Variants in ATP8B1 observed in about 807,000 individuals in gnomAD.
ATP8B1 encodes the protein ATPase phospholipid transporting 8B1.
Under a neutral mutation model 149.9 loss-of-function variants are expected in ATP8B1, and 80 were observed. The observed-to-expected ratio is 0.53, with a 90% CI of 0.45 to 0.64. The LOEUF is 0.64. Among genes scored for constraint, ATP8B1 ranks in the 30% least tolerant of loss-of-function variants. The pLI, the probability that ATP8B1 is intolerant of heterozygous loss-of-function variation, is 0.00. For synonymous variants in ATP8B1, 536 were observed against 562.8 expected (o/e 0.95, Z 0.67); for missense variants, 1,247 against 1,552.6 (o/e 0.80, Z 3.31).
intron 2 of ATP8B1, among the ~76,000 whole-genome samples, chr18:57,713,656 A>T (rs1197022112): frequency 6.6e-6 from 1 of 150,644 alleles, no homozygotes; most frequent in Non-Finnish European, 1.5e-5. Context: ...ATGCTTGGCT[A>T]ATTTTGTATT....
intron 1 of ATP8B1, among the ~76,000 whole-genome samples, chr18:57,759,369 A>T (rs1447105364): frequency 6.6e-6 from 1 of 152,102 alleles, no homozygotes; most frequent in Non-Finnish European, 1.5e-5. Flanking sequence ...AACTCCAGGG[A>T]CCTTCCCTAA....
chr18:57,653,996 T>TGCTGGAGC lies in ATP8B1; in HGVS notation c.3010_3011insGCTCCAGC (p.Asp1004GlyfsTer7). Reference sequence around the variant, plus strand: ...CTGCTTGTGCGAGGCTCCTACCTGGTCGAGCAGCCCCATGAGGAGCACGGG... The same window carrying TGCTGGAGC: ...CTGCTTGTGCGAGGCTCCTACCTGGTGCTGGAGCCGAGCAGCCCCATGAGGAGCACGGG... On this transcript the variant is annotated frameshift_variant, in exon 24 of 28. Coordinates refer to ENST00000648908, the MANE Select transcript of ATP8B1 (RefSeq NM_001374385.1). LOFTEE classifies it high-confidence loss of function. 5.6e-6 allele frequency: 9 copies of TGCTGGAGC among 1,613,450 alleles called. No homozygotes were observed. The highest frequency in any genetic ancestry group is 7.6e-6 in the Non-Finnish European group (9 of 1,179,462).
chr18:57,756,267 A>G (rs368438170), intron 1 of ATP8B1, among the ~76,000 whole-genome samples: 1 of 118,146 alleles, frequency 8.5e-6, no homozygotes, highest in Non-Finnish European at 1.8e-5. Context: ...ATATATATGA[A>G]ATATTTACAC....
At chr18:57,653,682 C>CT (rs71171057) in intron 24 of ATP8B1, among the ~76,000 whole-genome samples, 18,320 of 116,938 alleles carry the variant, frequency 0.16, 1,829 homozygotes, top group Non-Finnish European at 0.2. Flanking sequence ...CCTCTTTTCT[C>CT]TTTTTTTTTT....
intron 1 of ATP8B1, among the ~76,000 whole-genome samples, chr18:57,733,666 A>G (rs1358428176): frequency 1.4e-5 from 2 of 143,420 alleles, no homozygotes; most frequent in Admixed American, 1.5e-4. Flanking sequence ...AGATTGCGCC[A>G]CTGCACTCCA....
intron 2 of ATP8B1, among the ~76,000 whole-genome samples, chr18:57,713,049 G>A (rs1256477868): frequency 6.6e-6 from 1 of 152,016 alleles, no homozygotes; most frequent in Non-Finnish European, 1.5e-5. Flanking sequence ...TCTGGCTTTA[G>A]TTGTGACCCA....
intron 1 of ATP8B1, among the ~76,000 whole-genome samples, chr18:57,794,024 T>G (rs1337535056): frequency 6.6e-6 from 1 of 152,218 alleles, no homozygotes; most frequent in Non-Finnish European, 1.5e-5. Context: ...AAGTATCAGA[T>G]CGCCAAGAGA....
chr18:57,687,972 G>A (rs547212889), intron 13 of ATP8B1, among the ~76,000 whole-genome samples: 6 of 152,000 alleles, frequency 3.9e-5, no homozygotes, highest in Admixed American at 6.6e-5. Context: ...TAGTAGAGAC[G>A]GGGTTTTGCC....
intron 4 of ATP8B1, among the ~76,000 whole-genome samples, chr18:57,702,256 T>A (rs928073253): frequency 2.6e-5 from 4 of 152,224 alleles, no homozygotes; most frequent in African/African-American, 9.6e-5. Context: ...GAACAAAGAT[T>A]GGGATGCAAG....
intron 13 of ATP8B1, among the ~76,000 whole-genome samples, chr18:57,686,437 G>C (rs1323592745): frequency 6.6e-6 from 1 of 152,080 alleles, no homozygotes; most frequent in Non-Finnish European, 1.5e-5. Context: ...CCCAGGCTCA[G>C]GTGATCCTAC....
rs781342567 is a variant in ATP8B1 at position 57,655,182 on chromosome 18, A to G, written c.2931+12T>C. On this transcript the variant is annotated intron_variant, in intron 23 of 27. Coordinates refer to ENST00000648908, the MANE Select transcript of ATP8B1 (RefSeq NM_001374385.1). ...TACTTAGTAAATAACAATAATAACAACATTACATTACCTGCGCAGAGTAGC... is the reference window on the plus strand; with the variant it reads ...TACTTAGTAAATAACAATAATAACAGCATTACATTACCTGCGCAGAGTAGC... 7.6e-6 allele frequency: 12 copies of G among 1,585,744 alleles called. No homozygotes were observed. Among genetic ancestry groups the G allele is most frequent in the Non-Finnish European group, 8.7e-6 (10 of 1,154,330 alleles).
chr18:57,668,022 C>A, intron 19 of ATP8B1: 1 of 1,226,454 alleles, frequency 8.2e-7, no homozygotes, highest in Non-Finnish European at 1.1e-6. Context: ...AATTTTATTG[C>A]CAAGCAATAA....
chr18:57,676,162 C>T (rs1023597021), intron 15 of ATP8B1, among the ~76,000 whole-genome samples: 4 of 152,014 alleles, frequency 2.6e-5, no homozygotes, highest in African/African-American at 9.7e-5. Flanking sequence ...TTCTTTCTTT[C>T]TTTCTTTTTT....
At chr18:57,708,917 T>G (rs1913555185) in intron 2 of ATP8B1, among the ~76,000 whole-genome samples, 1 of 152,102 alleles carries the variant, frequency 6.6e-6, no homozygotes, top group Admixed American at 6.6e-5. Context: ...ACAGAGAGGG[T>G]GGCATCAGAC....
chr18:57,754,800 G>A (rs2080062197), intron 1 of ATP8B1, among the ~76,000 whole-genome samples: 1 of 152,110 alleles, frequency 6.6e-6, no homozygotes, highest in Admixed American at 6.5e-5. Flanking sequence ...TCAGGCCACA[G>A]GAAAATGTCA....
At chr18:57,777,449 T>G (rs1352219802) in intron 1 of ATP8B1, among the ~76,000 whole-genome samples, 3 of 152,234 alleles carry the variant, frequency 2.0e-5, no homozygotes, top group East Asian at 3.8e-4. Context: ...TATATATGTT[T>G]GTAAACACAA....
chr18:57,751,901 C>G (rs1311862910), intron 1 of ATP8B1, among the ~76,000 whole-genome samples: 1 of 151,878 alleles, frequency 6.6e-6, no homozygotes, highest in East Asian at 1.9e-4. Flanking sequence ...TTGTTTCTAA[C>G]AGAGTAAAAA....
chr18:57,758,934 G>T (rs1226899766), intron 1 of ATP8B1, among the ~76,000 whole-genome samples: 2 of 151,878 alleles, frequency 1.3e-5, no homozygotes, highest in Non-Finnish European at 2.9e-5. Flanking sequence ...GAGGCGGGAG[G>T]ATCACAAGGT....
At chr18:57,698,327 T>G (rs1490680582) in intron 6 of ATP8B1, among the ~76,000 whole-genome samples, 2 of 151,208 alleles carry the variant, frequency 1.3e-5, no homozygotes, top group East Asian at 3.9e-4. Context: ...GTTTAAATTA[T>G]CTTTATTATT....
Sources: allele counts gnomAD v4.1 joint callset (sites outside exome capture counted in the v4.1 genomes callset), GRCh38; gene constraint gnomAD v4.1.1; transcripts MANE v1.5; gene names NCBI Gene and HGNC (gene_info 2026-07-23, HGNC 2026-07-21).